RERG: variants seen among roughly 807,000 people sequenced by gnomAD.
RERG encodes ras-related and estrogen-regulated growth inhibitor.
RERG carries 25 observed loss-of-function variants against 23.2 expected under a neutral mutation model. The observed-to-expected ratio is 1.08, with a 90% confidence interval of 0.79 to 1.50. The LOEUF (loss-of-function observed/expected upper bound fraction) is 1.50. Among genes scored for constraint, RERG ranks in the 40% most tolerant of loss-of-function variants. The probability of loss-of-function intolerance (pLI) is 0.00; values close to 1 mark genes in which losing one functional copy is unlikely to be tolerated. For missense variants in RERG, 253 were observed against 250.1 expected, an observed-to-expected ratio of 1.01 and a Z score of -0.08; for synonymous variants, 81 against 89.1, an observed-to-expected ratio of 0.91 and a Z score of 0.51.
At chr12:15,126,720 CTTTCT>C (rs1565510899) in intron 2 of RERG, among the ~76,000 whole-genome samples, 18 of 126,486 alleles carry the variant, frequency 1.4e-4, no homozygotes, top group African/African-American at 5.1e-4. Flanking sequence ...TTTTCTTTTT[CTTTCT>C]TTTTTTTTTT....
intron 2 of RERG, among the ~76,000 whole-genome samples, chr12:15,194,501 G>C (rs1368232781): frequency 6.0e-5 from 3 of 49,820 alleles, no homozygotes; most frequent in African/African-American, 8.1e-5. Flanking sequence ...GAAGGAGCCC[G>C]ATCTCCCTAA....
chr12:15,205,700 C>T (rs1380322470), intron 2 of RERG, among the ~76,000 whole-genome samples: 1 of 151,946 alleles, frequency 6.6e-6, no homozygotes, highest in Non-Finnish European at 1.5e-5. Context: ...TTTGACTTCA[C>T]CTCTTAAATT....
intron 2 of RERG, among the ~76,000 whole-genome samples, chr12:15,191,218 T>A (rs890650088): frequency 6.6e-6 from 1 of 152,152 alleles, no homozygotes; most frequent in Non-Finnish European, 1.5e-5. Context: ...CTGCCATACA[T>A]GGTAGCATGG....
At chr12:15,151,083 C>T (rs1458618977) in intron 2 of RERG, among the ~76,000 whole-genome samples, 1 of 152,112 alleles carries the variant, frequency 6.6e-6, no homozygotes, top group Non-Finnish European at 1.5e-5. Flanking sequence ...AAAATCTACC[C>T]CAGGGGAGCA....
At chr12:15,183,605 G>A (rs1308627082) in intron 2 of RERG, among the ~76,000 whole-genome samples, 2 of 152,054 alleles carry the variant, frequency 1.3e-5, no homozygotes, top group Non-Finnish European at 2.9e-5. Flanking sequence ...GTTATGTAAA[G>A]TTTTATGCTT....
At chr12:15,220,309 G>A (rs1423408835) in intron 1 of RERG, among the ~76,000 whole-genome samples, 1 of 151,900 alleles carries the variant, frequency 6.6e-6, no homozygotes, top group Non-Finnish European at 1.5e-5. Flanking sequence ...TCACTCTAAA[G>A]GTAAAATCAT....
chr12:15,126,876 C>T lies in RERG; in HGVS notation c.62-5757G>A, dbSNP rs535034765. ...GGGACTACAGGCGCAACCCGCCACA[C>T]CCGGCTAATTTTTTTGTATTTTTAG... On this transcript the variant is annotated intron_variant, in intron 2 of 4. Transcript: ENST00000256953. 7.3e-5 allele frequency among the ~76,000 whole-genome samples: 11 copies of T among 151,004 alleles called. No homozygotes were observed. The South Asian group carries it at 1.3e-3, about 17-fold the overall frequency.
intron 2 of RERG, among the ~76,000 whole-genome samples, chr12:15,135,899 A>G (rs1864136551): frequency 6.6e-6 from 1 of 152,026 alleles, no homozygotes; most frequent in South Asian, 2.1e-4. Flanking sequence ...TGGTATTAGG[A>G]TAATACTGGC....
chr12:15,176,356 C>T (rs1293963709), intron 2 of RERG, among the ~76,000 whole-genome samples: 1 of 152,116 alleles, frequency 6.6e-6, no homozygotes, highest in Admixed American at 6.5e-5. Flanking sequence ...TCACATATTT[C>T]CTCGTGTTAT....
intron 2 of RERG, among the ~76,000 whole-genome samples, chr12:15,143,345 CACAT>C (rs1390589962): frequency 5.2e-5 from 1 of 19,114 alleles, no homozygotes; most frequent in African/African-American, 1.6e-4. Flanking sequence ...TATACATACA[CACAT>C]GTGTGTATGT....
chr12:15,121,147 A>G, intron 2 of RERG, 28 bp from the exon 3 acceptor site: 1 of 1,593,786 alleles, frequency 6.3e-7, no homozygotes, highest in Non-Finnish European at 8.6e-7. Flanking sequence ...AACATTTCAA[A>G]AAATAATTTG....
chr12:15,215,737 G>A (rs1865432135), intron 2 of RERG, among the ~76,000 whole-genome samples: 1 of 152,106 alleles, frequency 6.6e-6, no homozygotes, highest in Admixed American at 6.6e-5. Context: ...AAAATGGTCA[G>A]GTGAGAATGA....
intron 2 of RERG, among the ~76,000 whole-genome samples, chr12:15,180,895 C>T (rs1310295413): frequency 6.6e-6 from 1 of 152,178 alleles, no homozygotes; most frequent in Non-Finnish European, 1.5e-5. Flanking sequence ...TCTAGTTAGG[C>T]AGCCCCATGA....
intron 2 of RERG, among the ~76,000 whole-genome samples, chr12:15,153,607 G>T (rs1042624824): frequency 6.6e-6 from 1 of 152,096 alleles, no homozygotes; most frequent in Admixed American, 6.5e-5. Context: ...ATAATATAAA[G>T]AAAAAGAATA....
Position 15,217,456 on chromosome 12 carries a change from ATATT to A in RERG, c.30_33del (p.Ile11LeufsTer12). On this transcript the variant is annotated frameshift_variant, in exon 2 of 5. Transcript: ENST00000256953. LOFTEE classifies it high-confidence loss of function. ...GACTTGCCCACGCCTGCTCTCCCAA[ATATT>A]GCCAGTTTGACCTCCGCACTTTTAG... The A allele has an allele frequency of 2.5e-6, 4 of 1,613,716 alleles. No homozygotes were observed. The highest frequency in any genetic ancestry group is 3.4e-6 in the Non-Finnish European group (4 of 1,179,652).
At chr12:15,158,349 T>A (rs1377703366) in intron 2 of RERG, among the ~76,000 whole-genome samples, 1 of 152,164 alleles carries the variant, frequency 6.6e-6, no homozygotes, top group East Asian at 1.9e-4. Flanking sequence ...TGTTATGATC[T>A]TGGCTCGCTG....
At chr12:15,138,859 A>T (rs4764172) in intron 2 of RERG, among the ~76,000 whole-genome samples, 100,098 of 151,400 alleles carry the variant, frequency 0.66, 33,197 homozygotes, top group Admixed American at 0.75. Context: ...TGGATCTTTC[A>T]TTTGCTGTCA....
At chr12:15,174,740 C>T (rs1367703293) in intron 2 of RERG, among the ~76,000 whole-genome samples, 1 of 151,768 alleles carries the variant, frequency 6.6e-6, no homozygotes, top group African/African-American at 2.4e-5. Flanking sequence ...AAAATCTGCT[C>T]TTGGGCCTCT....
At chr12:15,157,673 A>C (rs1030411510) in intron 2 of RERG, among the ~76,000 whole-genome samples, 1 of 152,236 alleles carries the variant, frequency 6.6e-6, no homozygotes, top group Non-Finnish European at 1.5e-5. Context: ...GATGACTAGG[A>C]AATAAGAGCT....
Sources: allele counts gnomAD v4.1 joint callset (sites outside exome capture counted in the v4.1 genomes callset), GRCh38; gene constraint gnomAD v4.1.1; transcripts MANE v1.5; gene names NCBI Gene and HGNC (gene_info 2026-07-23, HGNC 2026-07-21).